The following GALNT15 variants were observed in gnomAD, a reference collection of about 807,000 sequenced individuals.
GALNT15 encodes the protein polypeptide N-acetylgalactosaminyltransferase 15, also known as UDP-GalNAc transferase T15.
A neutral mutation model predicts 66.8 loss-of-function variants in GALNT15; 67 were observed. The observed-to-expected ratio is 1.00, with a 90% confidence interval of 0.82 to 1.23. The LOEUF (loss-of-function observed/expected upper bound fraction) is 1.23, where lower values mean the gene tolerates loss of function less well. GALNT15 is among the 50% of genes most tolerant of loss of function. The pLI is 0.00. For missense variants in GALNT15, 827 were observed against 804.3 expected (o/e 1.03, Z -0.34); for synonymous variants, 313 against 311.5 (o/e 1.00, Z -0.05).
chr3:16,226,536 A>G (rs59026757), intron 9 of GALNT15, among the ~76,000 whole-genome samples: 9,150 of 152,214 alleles, frequency 0.06, 301 homozygotes, highest in African/African-American at 0.074. Context: ...GGAGCAAGGG[A>G]GAGAGAGAGC....
chr3:16,219,268 C>T lies in GALNT15; in HGVS notation c.1393-135C>T, dbSNP rs73818324. 1 of 1,065,732 alleles carries T rather than the reference C, an allele frequency of 9.4e-7. No individual in the cohort carries two copies. The highest frequency in any genetic ancestry group is 1.6e-5 in the African/African-American group (1 of 63,296). 66.0% of individuals were successfully genotyped at this position (1,065,732 alleles called of 1,614,324 possible). On this transcript the variant is annotated intron_variant, in intron 6 of 9. Coordinates refer to ENST00000339732, the MANE Select transcript of GALNT15 (RefSeq NM_054110.5). This position sits in a 1 kb window ranked among gnomAD's most constrained non-coding sequence, Gnocchi z 4.3. ...AACACATGACCCTCCCCACTGCAGC[C>T]CTGGAGAACTGTGGTCTTGGCCCCT...
chr3:16,213,219 G>A (rs529277491), intron 6 of GALNT15, among the ~76,000 whole-genome samples: 2 of 152,058 alleles, frequency 1.3e-5, no homozygotes, highest in Non-Finnish European at 2.9e-5. Flanking sequence ...ACTTTGGGAG[G>A]CCGAGGTGGG....
intron 2 of GALNT15, among the ~76,000 whole-genome samples, chr3:16,197,044 C>T (rs1349310135): frequency 2.6e-5 from 4 of 152,196 alleles, no homozygotes; most frequent in East Asian, 1.9e-4. Context: ...GCATATTAGG[C>T]AGGACTAATG....
chr3:16,208,960 G>T (rs190000696), intron 4 of GALNT15, among the ~76,000 whole-genome samples: 1 of 152,148 alleles, frequency 6.6e-6, no homozygotes, highest in Non-Finnish European at 1.5e-5. Flanking sequence ...ATAAAGTTCC[G>T]ACAGGGTCTT....
rs559167517 is a variant in GALNT15 at position 16,182,463 on chromosome 3, C to T, written c.539+6773C>T. Among the ~76,000 whole-genome samples, 2 of 152,226 alleles carry T rather than the reference C, an allele frequency of 1.3e-5. No individual in the cohort carries two copies. Among genetic ancestry groups the T allele is most frequent in the Non-Finnish European group, 2.9e-5 (2 of 68,038 alleles). On this transcript the variant is annotated intron_variant, in intron 1 of 9. Coordinates refer to ENST00000339732, the MANE Select transcript of GALNT15 (RefSeq NM_054110.5). The surrounding 1 kb of genome is among the most constrained non-coding windows in gnomAD (Gnocchi z 6.1). ...ACTAAGAACAGAGATGCTCAAGTCA[C>T]TTAAGGTGATGGAGTTACTGCAAGT...
rs1330645912 is a variant in GALNT15, at chr3:16,182,690, CCTCTA to C, written c.539+7006_539+7010del. On this transcript the variant is annotated intron_variant, in intron 1 of 9. Transcript: ENST00000339732. The surrounding 1 kb of genome is among the most constrained non-coding windows in gnomAD (Gnocchi z 6.1). ...TTGTCTTGTCACTAACAACCACTGC[CCTCTA>C]CTCTAACTGTGGTCCAGGAACCAAC... The C allele has an allele frequency of 6.6e-6, 1 of 152,222 alleles. No homozygotes were observed. Among genetic ancestry groups the C allele is most frequent in the East Asian group, 1.9e-4 (1 of 5,200 alleles). The allele number at this position is 152,222 out of a possible 1,614,324, so 9.4% of individuals were successfully genotyped here.
Position 16,229,599 on chromosome 3 carries a change from G to C in GALNT15, c.*2099G>C, listed in dbSNP as rs1365354316. 7.1e-6 allele frequency: 7 copies of C among 985,264 alleles called. No homozygotes were observed. Among genetic ancestry groups the C allele is most frequent in the Non-Finnish European group, 2.4e-6 (2 of 829,914 alleles). 61.0% of individuals were successfully genotyped at this position (985,264 alleles called of 1,614,324 possible). On this transcript the variant is annotated 3_prime_UTR_variant, in exon 10 of 10. Transcript: ENST00000339732. ...GAGACGGAGCTACAAATTCTCAGAT[G>C]GCGACCGTGTAAATGGTATTAGCGG...
In GALNT15 at chr3:16,199,103, T is replaced by C. The variant is rs182362351; in HGVS notation, c.707-1516T>C. On this transcript the variant is annotated intron_variant, in intron 2 of 9. Transcript: ENST00000339732. ...TCTTAGTCCACTGGCCTGGGGGGAC[T>C]CCCCATTTCCAAGACTTCATGGAGA... 2.0e-4 allele frequency among the ~76,000 whole-genome samples: 29 copies of C among 141,866 alleles called. 6 individuals are homozygous for C. The highest frequency in any genetic ancestry group is 2.0e-3 in the Admixed American group (28 of 14,038). 93.1% of individuals were successfully genotyped at this position (141,866 alleles called of 152,430 possible).
At chr3:16,212,360 C>G (rs966552563) in intron 5 of GALNT15, among the ~76,000 whole-genome samples, 1 of 152,132 alleles carries the variant, frequency 6.6e-6, no homozygotes, top group Non-Finnish European at 1.5e-5. Context: ...TTTGGGACAA[C>G]TACCTCTATT....
Position 16,195,945 on chromosome 3 carries a change from CAG to C in GALNT15, c.706+20_706+21del, listed in dbSNP as rs2063629850. On this transcript the variant is annotated intron_variant, in intron 2 of 9. Transcript: ENST00000339732. The surrounding 1 kb of genome is among the most constrained non-coding windows in gnomAD (Gnocchi z 4.6). ...CAGCAAGGTAGCCACGGCTTTCCTC[CAG>C]GCTCGTCTGGGTGAGCCTTACCCCC... 6.2e-7 allele frequency: 1 copy of C among 1,613,180 alleles called. No individual in the cohort carries two copies. The highest frequency in any genetic ancestry group is 8.5e-7 in the Non-Finnish European group (1 of 1,179,506).
At chr3:16,222,052 A>T (rs905124270) in intron 8 of GALNT15, among the ~76,000 whole-genome samples, 12 of 152,248 alleles carry the variant, frequency 7.9e-5, no homozygotes, top group African/African-American at 2.9e-4. Flanking sequence ...TTCAGGCTGC[A>T]TCTGACAGAA....
Position 16,204,463 on chromosome 3 carries a change from T to C in GALNT15, c.911+3640T>C, listed in dbSNP as rs1162486582. ...AGCAACCCTACATAGAGTCTCCCTATGGGCAACTGATTTTAGGGCAGCCCT... is the reference window on the plus strand; with the variant it reads ...AGCAACCCTACATAGAGTCTCCCTACGGGCAACTGATTTTAGGGCAGCCCT... On this transcript the variant is annotated intron_variant, in intron 3 of 9. Coordinates refer to ENST00000339732, the MANE Select transcript of GALNT15 (RefSeq NM_054110.5). The surrounding 1 kb of genome is among the most constrained non-coding windows in gnomAD (Gnocchi z 4.5). 6.6e-6 allele frequency among the ~76,000 whole-genome samples: 1 copy of C among 152,150 alleles called. No homozygotes were observed. The highest frequency in any genetic ancestry group is 1.5e-5 in the Non-Finnish European group (1 of 68,018).
At position 16,212,686 on chromosome 3, in the gene GALNT15, C is replaced by T. The variant is rs191977190; in HGVS notation, c.1315C>T (p.Arg439Cys). The T allele has an allele frequency of 1.0e-4, 162 of 1,614,010 alleles. No homozygotes were observed. Among genetic ancestry groups the T allele is most frequent in the Admixed American group, 4.5e-4 (27 of 60,028 alleles). Residue 439 changes from arginine (R) to cysteine (C), a missense_variant, in exon 6 of 10, where the codon CGC becomes TGC. By Grantham distance (180) the Arg-to-Cys change is radical. Transcript: ENST00000339732. Reference sequence around the variant, plus strand: ...GGAGGCCACCCTGAGGAACAGGGTTCGCATTGCTGAGACCTGGCTGGGGTC... The same window carrying T: ...GGAGGCCACCCTGAGGAACAGGGTTTGCATTGCTGAGACCTGGCTGGGGTC... ...DQEATLRNRV[R>C]IAETWLGSFK...
the GALNT15 span, among the ~76,000 whole-genome samples, chr3:16,237,793 G>A: frequency 2.4e-3 from 358 of 152,318 alleles, no homozygotes; most frequent in Non-Finnish European, 4.2e-3. This position sits in a 1 kb window ranked among gnomAD's most constrained non-coding sequence, Gnocchi z 4.2. Context: ...GGGTTGGTTT[G>A]TCTGATGGTG....
intron 3 of GALNT15, among the ~76,000 whole-genome samples, chr3:16,205,101 C>T (rs1255635788): frequency 1.3e-5 from 2 of 152,234 alleles, no homozygotes; most frequent in Non-Finnish European, 2.9e-5. Context: ...CAGCATGACA[C>T]GTCCTCGTAT....
At chr3:16,206,421 C>T (rs1051168051) in intron 3 of GALNT15, among the ~76,000 whole-genome samples, 7 of 150,390 alleles carry the variant, frequency 4.7e-5, no homozygotes, top group African/African-American at 1.7e-4. Flanking sequence ...CGCCTGTAAT[C>T]CCCAGCACTT....
chr3:16,229,391 C>A lies in GALNT15; in HGVS notation c.*1891C>A. Reference sequence around the variant, plus strand: ...CTGGCCACATTTCAAATGCTCACTACCCACCTGTGGCTAGGGTCTACTTCT... The same window carrying A: ...CTGGCCACATTTCAAATGCTCACTAACCACCTGTGGCTAGGGTCTACTTCT... On this transcript the variant is annotated 3_prime_UTR_variant, in exon 10 of 10. Coordinates refer to ENST00000339732, the MANE Select transcript of GALNT15 (RefSeq NM_054110.5). The A allele has an allele frequency of 1.2e-6, 1 of 821,112 alleles. No individual in the cohort carries two copies. Among genetic ancestry groups the A allele is most frequent in the Non-Finnish European group, 1.5e-6 (1 of 680,300 alleles). The allele number at this position is 821,112 out of a possible 1,614,324, so 50.9% of individuals were successfully genotyped here. A position where few individuals can be genotyped will look rare whatever the true frequency, so the allele number is the denominator to read the frequency against.
At chr3:16,236,675 C>T (rs1236321008), downstream of GALNT15, among the ~76,000 whole-genome samples, 2 of 152,176 alleles carry the variant, frequency 1.3e-5, no homozygotes, top group South Asian at 4.1e-4. Context: ...AAGAGGGAAA[C>T]AGTGTATAGC....
At chr3:16,247,766 G>A in the GALNT15 span, among the ~76,000 whole-genome samples, 1 of 152,180 alleles carries the variant, frequency 6.6e-6, no homozygotes, top group African/African-American at 2.4e-5. Flanking sequence ...TGACCTCTCA[G>A]CATTTCCAGG....
Sources: gnomAD v4.1 joint callset for allele counts (sites outside exome capture counted in the v4.1 genomes callset) on GRCh38, gnomAD v4.1.1 for gene constraint, Gnocchi (gnomAD v3.1) non-coding constraint, MANE v1.5 for transcripts, NCBI Gene and HGNC (gene_info 2026-07-23, HGNC 2026-07-21) for gene names.